TMEM135: variants seen among roughly 807,000 people sequenced by gnomAD.
TMEM135 encodes transmembrane protein 135.
TMEM135 carries 30 observed loss-of-function variants against 60.3 expected under a neutral mutation model. The observed-to-expected ratio is 0.50, with a 90% CI of 0.37 to 0.68. The LOEUF is 0.68. Ranked by LOEUF, TMEM135 falls within the 30% of genes least tolerant of loss-of-function variation. The pLI is 0.00. For missense variants in TMEM135, 468 were observed against 548.8 expected, an observed-to-expected ratio of 0.85 and a Z score of 1.47; for synonymous variants, 190 against 186.7, an observed-to-expected ratio of 1.02 and a Z score of -0.14.
chr11:87,297,218 C>T (rs1409674303), intron 7 of TMEM135, among the ~76,000 whole-genome samples: 3 of 152,094 alleles, frequency 2.0e-5, no homozygotes, highest in Non-Finnish European at 4.4e-5. Context: ...TCTTTCTCTT[C>T]CCCTCCACCC....
At chr11:87,065,867 T>C (rs61906207) in intron 1 of TMEM135, among the ~76,000 whole-genome samples, 22,371 of 152,194 alleles carry the variant, frequency 0.15, 1,746 homozygotes, top group Non-Finnish European at 0.17. Context: ...TAGGTTGAGG[T>C]TTAGTTTTTC....
At chr11:87,305,607 C>G (rs1315772731) in intron 8 of TMEM135, among the ~76,000 whole-genome samples, 3 of 151,916 alleles carry the variant, frequency 2.0e-5, no homozygotes, top group Non-Finnish European at 4.4e-5. Context: ...AACCCCATCT[C>G]TACTAAAAAT....
intron 4 of TMEM135, among the ~76,000 whole-genome samples, chr11:87,100,721 G>T (rs1857439057): frequency 6.6e-6 from 1 of 152,230 alleles, no homozygotes; most frequent in East Asian, 1.9e-4. Flanking sequence ...AATTAGCCAG[G>T]CGTGGTGGCA....
At position 87,124,973 on chromosome 11, in the gene TMEM135, TCTTA is replaced by T. The variant is rs1480865060; in HGVS notation, c.397-32364_397-32361del. Among the ~76,000 whole-genome samples, 3 of 152,336 alleles carry T rather than the reference TCTTA, an allele frequency of 2.0e-5. No individual in the cohort carries two copies. The East Asian group carries it at 5.8e-4, about 29-fold the overall frequency. ...GTTTCCTTGCTTTAGTTGCTACTTC[TCTTA>T]CTTCACAAATACTGAGTAATTGCTC... On this transcript the variant is annotated intron_variant, in intron 4 of 14. Coordinates refer to ENST00000305494, the MANE Select transcript of TMEM135 (RefSeq NM_022918.4).
chr11:87,272,321 G>GT (rs1046229143), intron 6 of TMEM135, among the ~76,000 whole-genome samples: 1 of 151,948 alleles, frequency 6.6e-6, no homozygotes, highest in African/African-American at 2.4e-5. Flanking sequence ...CTCCCAAAGT[G>GT]TTGGGATTAC....
In TMEM135 at chr11:87,318,125, C is replaced by T. The variant is rs771732043; in HGVS notation, c.1078-12C>T. 3.7e-6 allele frequency: 6 copies of T among 1,603,294 alleles called. No individual in the cohort carries two copies. The African/African-American group carries it at 6.7e-5, about 18-fold the overall frequency. ...TTTTCTTTATAACTCTTGTCTTATG[C>T]TTGTTTTGCAGACAATGTATTTCAA... On this transcript the variant is annotated splice_polypyrimidine_tract_variant and intron_variant, in intron 12 of 14. Transcript: ENST00000305494.
chr11:87,209,519 C>G (rs1274777367), intron 5 of TMEM135, among the ~76,000 whole-genome samples: 1 of 152,136 alleles, frequency 6.6e-6, no homozygotes, highest in Non-Finnish European at 1.5e-5. Context: ...TATATATGCA[C>G]TCAACATTGG....
intron 4 of TMEM135, among the ~76,000 whole-genome samples, chr11:87,123,534 T>A (rs567429883): frequency 6.6e-6 from 1 of 152,334 alleles, no homozygotes; most frequent in South Asian, 2.1e-4. Context: ...AAAGACCCTA[T>A]TTCCAAATAA....
At chr11:87,218,008 G>A (rs1204131384) in intron 5 of TMEM135, among the ~76,000 whole-genome samples, 1 of 152,140 alleles carries the variant, frequency 6.6e-6, no homozygotes, top group African/African-American at 2.4e-5. Flanking sequence ...TTCTAGGGCA[G>A]TAATTCCAAC....
intron 6 of TMEM135, among the ~76,000 whole-genome samples, chr11:87,265,357 G>T (rs1208621501): frequency 6.6e-6 from 1 of 151,908 alleles, no homozygotes; most frequent in Admixed American, 6.6e-5. Flanking sequence ...CCAAGTTCCT[G>T]TCATCCATGA....
intron 1 of TMEM135, among the ~76,000 whole-genome samples, chr11:87,046,366 G>A (rs1490692150): frequency 6.6e-6 from 1 of 152,186 alleles, no homozygotes. Flanking sequence ...GAGACGGAGC[G>A]AGACTGTGTC....
intron 6 of TMEM135, among the ~76,000 whole-genome samples, chr11:87,284,637 T>G (rs1189766532): frequency 6.6e-6 from 1 of 152,234 alleles, no homozygotes; most frequent in South Asian, 2.1e-4. Context: ...CTGTATGAAA[T>G]AAATGTACTG....
At chr11:87,228,754 T>C (rs1050967960) in intron 5 of TMEM135, among the ~76,000 whole-genome samples, 1 of 152,216 alleles carries the variant, frequency 6.6e-6, no homozygotes, top group African/African-American at 2.4e-5. Flanking sequence ...TGTTCAGTTC[T>C]CTAGTAGAAT....
intron 5 of TMEM135, among the ~76,000 whole-genome samples, chr11:87,228,241 T>C (rs1940809550): frequency 6.6e-6 from 1 of 152,148 alleles, no homozygotes; most frequent in Non-Finnish European, 1.5e-5. Flanking sequence ...GCTGGGACTA[T>C]AGCAGATATG....
chr11:87,149,795 C>A (rs964459379), intron 4 of TMEM135, among the ~76,000 whole-genome samples: 14 of 152,208 alleles, frequency 9.2e-5, no homozygotes, highest in Non-Finnish European at 2.1e-4. Context: ...TCTTCTCATT[C>A]AGTCCTCAAC....
At chr11:87,181,057 G>A (rs1309662078) in intron 5 of TMEM135, among the ~76,000 whole-genome samples, 2 of 152,178 alleles carry the variant, frequency 1.3e-5, no homozygotes, top group African/African-American at 2.4e-5. Flanking sequence ...TCCTGTTGAA[G>A]TCAGAGCAAA....
chr11:87,193,070 G>A (rs887948783), intron 5 of TMEM135, among the ~76,000 whole-genome samples: 26 of 152,012 alleles, frequency 1.7e-4, no homozygotes, highest in African/African-American at 9.7e-5. Flanking sequence ...AGCTGAGATT[G>A]CACCACTGCA....
intron 3 of TMEM135, among the ~76,000 whole-genome samples, chr11:87,072,313 GCTTA>G (rs1161620596): frequency 2.0e-5 from 3 of 151,944 alleles, no homozygotes; most frequent in African/African-American, 7.3e-5. Context: ...TCTGTACTTC[GCTTA>G]CTTTGCTTCA....
At chr11:87,137,306 A>G (rs1354841766) in intron 4 of TMEM135, among the ~76,000 whole-genome samples, 1 of 151,836 alleles carries the variant, frequency 6.6e-6, no homozygotes, top group Non-Finnish European at 1.5e-5. Context: ...TGGGAATACT[A>G]TTATTGACTG....
Sources: gnomAD v4.1 joint callset for allele counts (sites outside exome capture counted in the v4.1 genomes callset) on GRCh38, gnomAD v4.1.1 for gene constraint, MANE v1.5 for transcripts, NCBI Gene and HGNC (gene_info 2026-07-23, HGNC 2026-07-21) for gene names.